Variants in ZNF804B observed in about 807,000 individuals in gnomAD.
ZNF804B encodes the protein zinc finger protein 804B.
ZNF804B carries 80 observed loss-of-function variants against 101.4 expected under a neutral mutation model. The ratio of observed to expected loss-of-function variants is 0.79; its 90% CI spans 0.66 to 0.95. The LOEUF (loss-of-function observed/expected upper bound fraction) is 0.95. ZNF804B is among the 40% of genes least tolerant of loss of function. The pLI is 0.00. For missense variants in ZNF804B, 1,673 were observed against 1,561.9 expected, an observed-to-expected ratio of 1.07 and a Z score of -1.20; for synonymous variants, 622 against 558.8, an observed-to-expected ratio of 1.11 and a Z score of -1.59.
chr7:89,274,310 C>CT (rs1427503223), intron 2 of ZNF804B, among the ~76,000 whole-genome samples: 1 of 92,468 alleles, frequency 1.1e-5, no homozygotes, highest in East Asian at 3.5e-4. Flanking sequence ...TCCCTCCCCC[C>CT]TCCCCCCACC....
rs867389933 is a variant in ZNF804B at position 89,103,446 on chromosome 7, T to G, written c.109-114709T>G. Among the ~76,000 whole-genome samples the G allele has an allele frequency of 3.9e-4, 59 of 151,638 alleles. 1 individual carries two copies. The Middle Eastern group carries it at 0.014, about 35-fold the overall frequency. On this transcript the variant is annotated intron_variant, in intron 1 of 3. Coordinates refer to ENST00000333190, the MANE Select transcript of ZNF804B (RefSeq NM_181646.5). ...CTTCTTGTAGAGATATTCCATTTCC[T>G]TGGTTAAATGTATTTCTAGGTATTT...
intron 1 of ZNF804B, among the ~76,000 whole-genome samples, chr7:89,196,581 A>T (rs1329965777): frequency 1.3e-5 from 2 of 151,958 alleles, no homozygotes; most frequent in Non-Finnish European, 2.9e-5. Context: ...ATTTCATGAG[A>T]GAGATGCCAA....
At chr7:89,056,873 T>C (rs764946795) in intron 1 of ZNF804B, among the ~76,000 whole-genome samples, 6 of 152,108 alleles carry the variant, frequency 3.9e-5, no homozygotes, top group Non-Finnish European at 8.8e-5. Flanking sequence ...ATCGTGTCAC[T>C]GAATGAAGAG....
intron 1 of ZNF804B, among the ~76,000 whole-genome samples, chr7:88,863,058 G>A (rs1362946137): frequency 1.3e-5 from 2 of 152,144 alleles, no homozygotes; most frequent in Admixed American, 6.5e-5. Flanking sequence ...CCCTGCAGTG[G>A]TCTAATCCAC....
rs113960169 is a variant in ZNF804B, at chr7:88,935,137, A to T, written c.108+175053A>T. 6.9e-3 allele frequency among the ~76,000 whole-genome samples: 1,049 copies of T among 151,888 alleles called. 7 individuals are homozygous for T. The highest frequency in any genetic ancestry group is 8.7e-3 in the Non-Finnish European group (592 of 67,934). ...AAGAATGTCTTTTGCAGCAACTTGG[A>T]TGGATTGGAGGCCATTATTCTAGGT... On this transcript the variant is annotated intron_variant, in intron 1 of 3. Coordinates refer to ENST00000333190, the MANE Select transcript of ZNF804B (RefSeq NM_181646.5).
At chr7:88,892,956 C>A (rs1350222377) in intron 1 of ZNF804B, among the ~76,000 whole-genome samples, 2 of 152,070 alleles carry the variant, frequency 1.3e-5, no homozygotes. Context: ...TGATTCTTCT[C>A]CCATTGTCTT....
At chr7:88,824,921 C>A (rs1181923032) in intron 1 of ZNF804B, among the ~76,000 whole-genome samples, 1 of 152,156 alleles carries the variant, frequency 6.6e-6, no homozygotes, top group East Asian at 1.9e-4. Context: ...TATAAAAGTT[C>A]TGAATGGAGA....
At chr7:89,328,408 C>T (rs1403573347) in intron 3 of ZNF804B, among the ~76,000 whole-genome samples, 1 of 151,618 alleles carries the variant, frequency 6.6e-6, no homozygotes, top group Non-Finnish European at 1.5e-5. Context: ...AAAAGATAAT[C>T]ATATTAACAA....
At chr7:89,115,815 G>A (rs910338669) in intron 1 of ZNF804B, among the ~76,000 whole-genome samples, 1 of 151,982 alleles carries the variant, frequency 6.6e-6, no homozygotes, top group African/African-American at 2.4e-5. Context: ...TTTCTGAAGG[G>A]AGAATCAAGA....
At chr7:88,937,115 C>CA (rs3034325) in intron 1 of ZNF804B, among the ~76,000 whole-genome samples, 44,737 of 110,770 alleles carry the variant, frequency 0.4, 8,263 homozygotes, top group Middle Eastern at 0.47. Context: ...ATGAGAATAG[C>CA]AAAAAAAAAA....
intron 1 of ZNF804B, among the ~76,000 whole-genome samples, chr7:89,160,854 T>C (rs1287542741): frequency 2.0e-5 from 3 of 152,158 alleles, no homozygotes; most frequent in Non-Finnish European, 4.4e-5. Flanking sequence ...TCCCATTTAC[T>C]AGTTGACTAA....
At chr7:89,126,409 G>T (rs981306516) in intron 1 of ZNF804B, among the ~76,000 whole-genome samples, 6 of 151,732 alleles carry the variant, frequency 4.0e-5, no homozygotes, top group African/African-American at 1.5e-4. Context: ...CAATATTTTG[G>T]GTTAAAATCA....
intron 2 of ZNF804B, among the ~76,000 whole-genome samples, chr7:89,300,107 C>T (rs1790451445): frequency 6.6e-6 from 1 of 151,502 alleles, no homozygotes; most frequent in Non-Finnish European, 1.5e-5. Context: ...ACGCTACTAC[C>T]TTTCATCTTT....
chr7:89,201,472 T>C (rs1386863697), intron 1 of ZNF804B, among the ~76,000 whole-genome samples: 1 of 151,940 alleles, frequency 6.6e-6, no homozygotes, highest in Non-Finnish European at 1.5e-5. Flanking sequence ...CTATTAGATA[T>C]ATTGTACACT....
chr7:89,211,604 C>T (rs1374340511), intron 1 of ZNF804B, among the ~76,000 whole-genome samples: 2 of 152,018 alleles, frequency 1.3e-5, no homozygotes, highest in African/African-American at 4.8e-5. Flanking sequence ...TCTCCCAGTC[C>T]TTTCCCAATT....
chr7:88,894,064 T>C (rs1230224267), intron 1 of ZNF804B, among the ~76,000 whole-genome samples: 1 of 152,120 alleles, frequency 6.6e-6, no homozygotes, highest in Non-Finnish European at 1.5e-5. Context: ...CTCCTTTAAG[T>C]TTTCAAAAAT....
In ZNF804B at chr7:88,765,873, ACGTAGT is replaced by A. The variant is rs1261985511; in HGVS notation, c.108+5791_108+5796del. The stretch of plus-strand genomic sequence containing the variant: ...ATAGTGATATACCAATTTCCAAGTT[ACGTAGT>A]CTCTCTTGTTTTGGAAGTACTAAAC... On this transcript the variant is annotated intron_variant, in intron 1 of 3. Transcript: ENST00000333190. Among the ~76,000 whole-genome samples the A allele has an allele frequency of 6.3e-5, 9 of 142,462 alleles. No homozygotes were observed. In the South Asian group the frequency reaches 1.3e-3, roughly 21 times the overall value. 93.5% of individuals were successfully genotyped at this position (142,462 alleles called of 152,430 possible). A position where few individuals can be genotyped will look rare whatever the true frequency, so the allele number is the denominator to read the frequency against.
At chr7:89,103,845 A>G (rs1790096062) in intron 1 of ZNF804B, among the ~76,000 whole-genome samples, 1 of 152,010 alleles carries the variant, frequency 6.6e-6, no homozygotes, top group Admixed American at 6.6e-5. Flanking sequence ...TTCCTCATTC[A>G]GTATGACATT....
chr7:88,778,046 A>C (rs1790171067), intron 1 of ZNF804B, among the ~76,000 whole-genome samples: 1 of 152,124 alleles, frequency 6.6e-6, no homozygotes, highest in Non-Finnish European at 1.5e-5. Context: ...TTAGTGAAAA[A>C]AATAACATAA....
Sources: gnomAD v4.1 joint callset for allele counts (sites outside exome capture counted in the v4.1 genomes callset) on GRCh38, gnomAD v4.1.1 for gene constraint, MANE v1.5 for transcripts, NCBI Gene and HGNC (gene_info 2026-07-23, HGNC 2026-07-21) for gene names.